The following IL1RN variants were observed in gnomAD, a reference collection of about 807,000 sequenced individuals.
IL1RN encodes interleukin-1 receptor antagonist protein.
In IL1RN, 10 loss-of-function variants were observed where a neutral mutation model predicts 13.7. The ratio of observed to expected loss-of-function variants is 0.73; its 90% CI spans 0.45 to 1.24. The LOEUF (loss-of-function observed/expected upper bound fraction) is 1.24, where lower values mean the gene tolerates loss of function less well. IL1RN is among the 50% of genes most tolerant of loss of function. The probability of loss-of-function intolerance (pLI) is 0.00; values close to 1 mark genes in which losing one functional copy is unlikely to be tolerated. For missense variants in IL1RN, 213 were observed against 222.1 expected (o/e 0.96, Z 0.26); for synonymous variants, 102 against 82.7 (o/e 1.23, Z -1.27).
intron 1 of IL1RN, 78 bp downstream of exon 1, chr2:113,127,818 C>G: frequency 6.9e-7 from 1 of 1,456,396 alleles, no homozygotes; most frequent in Non-Finnish European, 9.5e-7. Context: ...CCAGGGGCTG[C>G]CAGGCCCCAG....
chr2:113,121,017 T>TCTC (rs1196765905), intron 2 of IL1RN, among the ~76,000 whole-genome samples: 52 of 109,566 alleles, frequency 4.7e-4, no homozygotes, highest in Non-Finnish European at 6.2e-4. Context: ...TCCTCCTCCT[T>TCTC]CTCCTCTTCT....
upstream of IL1RN, among the ~76,000 whole-genome samples, chr2:113,125,023 T>C (rs2104447252): frequency 6.6e-6 from 1 of 152,268 alleles, no homozygotes; most frequent in Admixed American, 6.5e-5. Flanking sequence ...TGAAACGCTG[T>C]CTGAAGGCAG....
At chr2:113,116,237 A>G (rs1686588293), upstream of IL1RN, among the ~76,000 whole-genome samples, 1 of 152,226 alleles carries the variant, frequency 6.6e-6, no homozygotes, top group African/African-American at 2.4e-5. Context: ...ATGACACATC[A>G]GGCTATCCTG....
rs9005 is a variant in IL1RN at position 113,133,835 on chromosome 2, G to A, written c.*964G>A. 44,179 of 152,686 alleles carry A rather than the reference G, an allele frequency of 0.29. 6,854 individuals carry two copies. The highest frequency in any genetic ancestry group is 0.44 in the Admixed American group (6,750 of 15,272). The allele number at this position is 152,686 out of a possible 1,614,324, so 9.5% of individuals were successfully genotyped here. On this transcript the variant is annotated 3_prime_UTR_variant, in exon 4 of 4. Transcript: ENST00000409930. ...TGTGCCTCTGCCTGTCTCCCCCACC[G>A]GGCTGGGAGCTCTGCAGAGCAGGAA...
chr2:113,112,580 GACTT>G (rs543453631), intron 1 of IL1RN, among the ~76,000 whole-genome samples: 109 of 152,166 alleles, frequency 7.2e-4, no homozygotes, highest in Admixed American at 1.5e-3. Context: ...TTAGTTCTGT[GACTT>G]ACTTATAATT....
chr2:113,123,574 A>G (rs1023505786), upstream of IL1RN, among the ~76,000 whole-genome samples: 2 of 152,218 alleles, frequency 1.3e-5, no homozygotes, highest in Non-Finnish European at 2.9e-5. Context: ...CCTGTGCAGC[A>G]GGAGCAAAAG....
chr2:113,121,069 CTCCTCCTCT>C (rs1157231382), intron 2 of IL1RN, among the ~76,000 whole-genome samples: 78 of 123,080 alleles, frequency 6.3e-4, no homozygotes, highest in Non-Finnish European at 9.1e-4. Context: ...CCTCCTCCTC[CTCCTCCTCT>C]TCTTCTTCTT....
chr2:113,120,480 G>T (rs761776594), intron 2 of IL1RN, among the ~76,000 whole-genome samples: 13 of 152,260 alleles, frequency 8.5e-5, no homozygotes, highest in Non-Finnish European at 1.6e-4. Context: ...ATTTGCAGCA[G>T]CAGCCACCAG....
At chr2:113,110,574 G>C (rs1686478345), upstream of IL1RN, among the ~76,000 whole-genome samples, 1 of 152,180 alleles carries the variant, frequency 6.6e-6, no homozygotes, top group South Asian at 2.1e-4. Context: ...CGAGGCATTG[G>C]AGCAGGATCC....
chr2:113,101,226 C>A, the IL1RN span, among the ~76,000 whole-genome samples: 1 of 152,148 alleles, frequency 6.6e-6, no homozygotes, highest in South Asian at 2.1e-4. Flanking sequence ...CGCTGGTTGA[C>A]CTTTGTCCTC....
Position 113,127,732 on chromosome 2 carries a change from A to G in IL1RN, c.108A>G (p.Gln36=), listed in dbSNP as rs144691672. The change falls in exon 1 of 4, where the codon CAA becomes CAG. Residue 36 remains glutamine, a synonymous_variant. Transcript: ENST00000409930. ...RPSGRKSSKM[Q]AFRIWDVNQK... is the part of the protein sequence containing the mutation. ...CTGGGAGAAAATCCAGCAAGATGCA[A>G]GCCTTCAGGTAAGGCTACCCCAAGG... 5.6e-6 allele frequency: 9 copies of G among 1,613,806 alleles called. No homozygotes were observed. Among genetic ancestry groups the G allele is most frequent in the Admixed American group, 3.3e-5 (2 of 59,990 alleles).
upstream of IL1RN, among the ~76,000 whole-genome samples, chr2:113,116,747 C>T (rs1373962453): frequency 2.0e-5 from 3 of 152,216 alleles, no homozygotes; most frequent in African/African-American, 7.2e-5. Context: ...CTGGTCTGCT[C>T]CTTCCTCTCT....
At chr2:113,112,236 G>A (rs533180080) in intron 1 of IL1RN, among the ~76,000 whole-genome samples, 2 of 152,328 alleles carry the variant, frequency 1.3e-5, no homozygotes, top group East Asian at 1.9e-4. Flanking sequence ...CGGAGCTTCC[G>A]AGGGCCCAGC....
Position 113,127,729 on chromosome 2 carries a change from G to A in IL1RN, c.105G>A (p.Met35Ile), listed in dbSNP as rs763563701. The change falls in exon 1 of 4, where the codon ATG becomes ATA. Residue 35 changes from methionine to isoleucine, a missense_variant. Transcript: ENST00000409930. ...CRPSGRKSSKMQAFRIWDVNQ... is the reference protein window; with the variant it reads ...CRPSGRKSSKIQAFRIWDVNQ... ...CCTCTGGGAGAAAATCCAGCAAGAT[G>A]CAAGCCTTCAGGTAAGGCTACCCCA... The A allele has an allele frequency of 1.9e-6, 3 of 1,613,914 alleles. No homozygotes were observed. The highest frequency in any genetic ancestry group is 2.5e-6 in the Non-Finnish European group (3 of 1,179,954).
chr2:113,103,339 G>A (rs759739171), upstream of IL1RN, among the ~76,000 whole-genome samples: 5 of 152,142 alleles, frequency 3.3e-5, no homozygotes, highest in Admixed American at 1.3e-4. Context: ...TTTGCAGGTG[G>A]GATTAAACTA....
chr2:113,124,248 G>A (rs74428536), upstream of IL1RN, among the ~76,000 whole-genome samples: 1 of 152,140 alleles, frequency 6.6e-6, no homozygotes, highest in Non-Finnish European at 1.5e-5. Flanking sequence ...CAGAACTCGG[G>A]GGGTGCTGAG....
chr2:113,123,486 G>C (rs1239810843), upstream of IL1RN, among the ~76,000 whole-genome samples: 2 of 152,200 alleles, frequency 1.3e-5, no homozygotes, highest in East Asian at 3.8e-4. Context: ...AGCCTTCACA[G>C]GTACTGAAGC....
At chr2:113,115,890 C>T (rs1400299304), upstream of IL1RN, among the ~76,000 whole-genome samples, 1 of 152,198 alleles carries the variant, frequency 6.6e-6, no homozygotes, top group East Asian at 1.9e-4. Context: ...TGCTGATTGA[C>T]TTGTAGTCCC....
At chr2:113,119,807 T>C (rs1686705184) in intron 1 of IL1RN, among the ~76,000 whole-genome samples, 1 of 152,176 alleles carries the variant, frequency 6.6e-6, no homozygotes, top group Non-Finnish European at 1.5e-5. Context: ...CCATGTTCCC[T>C]GGGTAGAGGA....
Sources: allele counts gnomAD v4.1 joint callset (sites outside exome capture counted in the v4.1 genomes callset), GRCh38; gene constraint gnomAD v4.1.1; transcripts MANE v1.5; gene names NCBI Gene and HGNC (gene_info 2026-07-23, HGNC 2026-07-21).